Variants in KHDRBS2 observed in about 807,000 individuals in gnomAD.
KHDRBS2 encodes KH RNA binding domain containing, signal transduction associated 2.
Under a neutral mutation model 44.3 loss-of-function variants are expected in KHDRBS2, and 26 were observed. That is an observed-to-expected ratio of 0.59 (90% CI 0.43 to 0.81). The LOEUF (loss-of-function observed/expected upper bound fraction) is 0.81. KHDRBS2 is among the 40% of genes least tolerant of loss of function. The probability of loss-of-function intolerance (pLI) is 0.00; values close to 1 mark genes in which losing one functional copy is unlikely to be tolerated. For synonymous variants in KHDRBS2, 194 were observed against 151.1 expected (o/e 1.28, Z -2.08); for missense variants, 476 against 433.1 (o/e 1.10, Z -0.88).
chr6:62,024,362 T>A (rs540239654), intron 3 of KHDRBS2, among the ~76,000 whole-genome samples: 1 of 151,642 alleles, frequency 6.6e-6, no homozygotes, highest in South Asian at 2.1e-4. Flanking sequence ...ATTTCAAAAT[T>A]TTTTTGTAAC....
chr6:62,103,822 T>C (rs1464582639), intron 2 of KHDRBS2, among the ~76,000 whole-genome samples: 2 of 152,084 alleles, frequency 1.3e-5, no homozygotes, highest in African/African-American at 2.4e-5. Flanking sequence ...CTGATACCAG[T>C]AGTGAAAGAA....
intron 1 of KHDRBS2, among the ~76,000 whole-genome samples, chr6:62,228,821 T>C (rs1296823437): frequency 6.6e-6 from 1 of 152,192 alleles, no homozygotes; most frequent in Non-Finnish European, 1.5e-5. Context: ...GATTTGCTCC[T>C]GTGCCTGGAG....
intron 2 of KHDRBS2, among the ~76,000 whole-genome samples, chr6:62,132,703 G>A (rs1339304450): frequency 4.6e-5 from 7 of 152,128 alleles, no homozygotes; most frequent in Admixed American, 3.3e-4. Context: ...AAGATGCTTA[G>A]TAGAAACATA....
intron 4 of KHDRBS2, among the ~76,000 whole-genome samples, chr6:61,962,925 G>A (rs935615217): frequency 2.6e-5 from 4 of 152,092 alleles, no homozygotes; most frequent in African/African-American, 7.2e-5. Context: ...TAGTAAATGT[G>A]TGAATAGGTC....
intron 4 of KHDRBS2, among the ~76,000 whole-genome samples, chr6:61,947,758 T>C (rs1369370760): frequency 2.6e-5 from 4 of 151,984 alleles, no homozygotes; most frequent in African/African-American, 4.8e-5. Flanking sequence ...CATATTTATA[T>C]GCATGAATAT....
At chr6:61,702,593 G>A (rs1194283493) in intron 7 of KHDRBS2, among the ~76,000 whole-genome samples, 1 of 151,916 alleles carries the variant, frequency 6.6e-6, no homozygotes, top group Non-Finnish European at 1.5e-5. Context: ...ACTGAAACTA[G>A]AGATCATTGT....
At chr6:62,255,937 G>T (rs1407794647) in intron 1 of KHDRBS2, among the ~76,000 whole-genome samples, 1 of 151,724 alleles carries the variant, frequency 6.6e-6, no homozygotes, top group Non-Finnish European at 1.5e-5. Context: ...TTCCACACCA[G>T]CCTGGCCAAC....
At chr6:61,989,719 T>C (rs939467292) in intron 3 of KHDRBS2, among the ~76,000 whole-genome samples, 18 of 152,210 alleles carry the variant, frequency 1.2e-4, no homozygotes, top group African/African-American at 4.1e-4. Context: ...TTGTTTTTAA[T>C]TGTATTTCTT....
intron 1 of KHDRBS2, among the ~76,000 whole-genome samples, chr6:62,281,323 T>C (rs1427548794): frequency 6.6e-6 from 1 of 152,174 alleles, no homozygotes; most frequent in Non-Finnish European, 1.5e-5. Flanking sequence ...ATTTTTGTTA[T>C]ACACATAAAA....
chr6:62,119,947 G>A (rs1344857129), intron 2 of KHDRBS2, among the ~76,000 whole-genome samples: 3 of 152,146 alleles, frequency 2.0e-5, no homozygotes, highest in Admixed American at 2.0e-4. Context: ...CCACAAGGCA[G>A]TGCACTACTC....
At chr6:61,652,398 T>C in the KHDRBS2 span, 4 of 151,926 alleles carry the variant, frequency 2.6e-5, no homozygotes, top group South Asian at 2.1e-4. Flanking sequence ...TTGTATGTAT[T>C]ACTTATACAT....
At chr6:62,195,883 G>C (rs1384451394) in intron 1 of KHDRBS2, among the ~76,000 whole-genome samples, 2 of 152,162 alleles carry the variant, frequency 1.3e-5, no homozygotes, top group East Asian at 3.9e-4. Flanking sequence ...AAAAAGAACA[G>C]AACTAAACAT....
chr6:61,895,328 AG>A (rs1196162487), intron 5 of KHDRBS2, among the ~76,000 whole-genome samples: 1 of 152,132 alleles, frequency 6.6e-6, no homozygotes, highest in Non-Finnish European at 1.5e-5. Flanking sequence ...CCAAAAAAAA[AG>A]GTGGCTGCAC....
At chr6:61,658,072 T>A in the KHDRBS2 span, among the ~76,000 whole-genome samples, 1 of 151,914 alleles carries the variant, frequency 6.6e-6, no homozygotes, top group African/African-American at 2.4e-5. Flanking sequence ...GCTAGTCCAC[T>A]ATGCTAAATA....
the KHDRBS2 span, among the ~76,000 whole-genome samples, chr6:61,549,733 C>A: frequency 6.6e-6 from 1 of 152,046 alleles, no homozygotes; most frequent in East Asian, 1.9e-4. Flanking sequence ...GATAAGTAAC[C>A]TTTTCAGATG....
chr6:61,885,824 T>A (rs79549101), intron 6 of KHDRBS2, among the ~76,000 whole-genome samples: 1,526 of 152,122 alleles, frequency 0.01, 11 homozygotes, highest in Middle Eastern at 0.017. Flanking sequence ...GGGAGCTTCT[T>A]TAGCATCAAA....
chr6:62,114,375 C>T (rs544972242), intron 2 of KHDRBS2, among the ~76,000 whole-genome samples: 10 of 152,104 alleles, frequency 6.6e-5, no homozygotes, highest in Admixed American at 1.3e-4. Flanking sequence ...GAAGAAACAA[C>T]ATGTTTTAAG....
intron 6 of KHDRBS2, among the ~76,000 whole-genome samples, chr6:61,880,602 C>T (rs1166578453): frequency 6.6e-6 from 1 of 151,858 alleles, no homozygotes; most frequent in Non-Finnish European, 1.5e-5. Context: ...GAATATAAAA[C>T]AGACACATTT....
the KHDRBS2 span, among the ~76,000 whole-genome samples, chr6:61,606,079 C>T: frequency 6.6e-6 from 1 of 152,188 alleles, no homozygotes; most frequent in Non-Finnish European, 1.5e-5. Context: ...GTGAACCCCG[C>T]CCCTGCCAGC....
Sources: allele counts gnomAD v4.1 joint callset (sites outside exome capture counted in the v4.1 genomes callset), GRCh38; gene constraint gnomAD v4.1.1; transcripts MANE v1.5; gene names NCBI Gene and HGNC (gene_info 2026-07-23, HGNC 2026-07-21).